EVL: variants seen among roughly 807,000 people sequenced by gnomAD.
EVL encodes ena/VASP-like protein.
Under a neutral mutation model 59.6 loss-of-function variants are expected in EVL, and 21 were observed. The ratio of observed to expected loss-of-function variants is 0.35; its 90% confidence interval spans 0.25 to 0.51. EVL has a LOEUF of 0.51. Among genes scored for constraint, EVL ranks in the 20% least tolerant of loss-of-function variants. EVL has a pLI of 0.97. For synonymous variants in EVL, 198 were observed against 203.5 expected (o/e 0.97, Z 0.23); for missense variants, 462 against 546.6 (o/e 0.85, Z 1.54).
chr14:99,975,248 T>G (rs1437642958), intron 1 of EVL: 1 of 152,296 alleles, frequency 6.6e-6, no homozygotes, highest in Non-Finnish European at 1.5e-5. Flanking sequence ...TCTTGTTCCT[T>G]TGAAAGTAGT....
At chr14:100,067,913 GA>G (rs941732631) in intron 1 of EVL, among the ~76,000 whole-genome samples, 2 of 152,288 alleles carry the variant, frequency 1.3e-5, no homozygotes, top group Admixed American at 1.3e-4. Context: ...ACCTCAAAGA[GA>G]AAGTGGGATC....
At chr14:100,125,149 CACCTGCCCCAAGGCAGGAAT>C (rs1887970451) in intron 4 of EVL, among the ~76,000 whole-genome samples, 1 of 142,360 alleles carries the variant, frequency 7.0e-6, no homozygotes, top group African/African-American at 2.8e-5. Flanking sequence ...CACACACACA[CACCTGCCCCAAGGCAGGAAT>C]ACACACACAC....
intron 1 of EVL, among the ~76,000 whole-genome samples, chr14:99,993,709 T>G (rs1287518215): frequency 2.1e-5 from 3 of 143,710 alleles, no homozygotes; most frequent in Admixed American, 6.9e-5. Flanking sequence ...TTTTTTTTTT[T>G]GACTTAGAGT....
chr14:99,974,970 C>G (rs982402678), intron 1 of EVL: 1 of 152,584 alleles, frequency 6.6e-6, no homozygotes, highest in Admixed American at 6.5e-5. Context: ...GGGACTTAAT[C>G]TTCATGTCCT....
At chr14:100,111,256 A>G (rs1213910368) in intron 3 of EVL, among the ~76,000 whole-genome samples, 1 of 146,932 alleles carries the variant, frequency 6.8e-6, no homozygotes, top group Non-Finnish European at 1.5e-5. Flanking sequence ...TCCCAGGTTC[A>G]AGCGATTCTC....
intron 3 of EVL, chr14:100,105,907 G>A (rs1055163931): frequency 6.6e-6 from 1 of 152,366 alleles, no homozygotes. Context: ...AAGTTTGACT[G>A]TCCATGAGCT....
At chr14:100,132,873 T>C (rs1290119437) in intron 8 of EVL, 94 bp downstream of exon 8, 1 of 1,377,280 alleles carries the variant, frequency 7.3e-7, no homozygotes, top group Non-Finnish European at 1.0e-6. Context: ...CTTTGGGACA[T>C]GCGTGGGATG....
intron 1 of EVL, among the ~76,000 whole-genome samples, chr14:99,995,645 C>G (rs2060908292): frequency 6.6e-6 from 1 of 152,102 alleles, no homozygotes; most frequent in African/African-American, 2.4e-5. Context: ...CCATGTTTCC[C>G]TGTTTCTTTG....
At chr14:100,078,463 A>G (rs56061407) in intron 1 of EVL, among the ~76,000 whole-genome samples, 17,406 of 151,908 alleles carry the variant, frequency 0.11, 1,529 homozygotes, top group Admixed American at 0.25. Context: ...AGAGCCGGAA[A>G]GCACACATTG....
At chr14:100,122,026 A>C (rs1406121985) in intron 3 of EVL, among the ~76,000 whole-genome samples, 1 of 152,236 alleles carries the variant, frequency 6.6e-6, no homozygotes, top group African/African-American at 2.4e-5. Context: ...CAGTTGTCCA[A>C]GCCAGAGCCC....
chr14:100,110,716 C>T (rs1286026754), intron 3 of EVL, among the ~76,000 whole-genome samples: 4 of 152,248 alleles, frequency 2.6e-5, no homozygotes, highest in Admixed American at 2.6e-4. Flanking sequence ...CTGCATCCTG[C>T]TGCTGCCATT....
chr14:100,025,540 A>G (rs2061195662), intron 1 of EVL, among the ~76,000 whole-genome samples: 2 of 152,210 alleles, frequency 1.3e-5, no homozygotes, highest in South Asian at 2.1e-4. Context: ...GCCAGATCAC[A>G]TATCACCATC....
chr14:100,002,448 AATT>A (rs1378645811), intron 1 of EVL, among the ~76,000 whole-genome samples: 1 of 152,228 alleles, frequency 6.6e-6, no homozygotes, highest in African/African-American at 2.4e-5. Flanking sequence ...TAACAATTAT[AATT>A]ATTACTGCTA....
At chr14:100,141,356 C>T in intron 12 of EVL, 110 bp downstream of exon 12, 10 of 1,218,374 alleles carry the variant, frequency 8.2e-6, no homozygotes, top group Non-Finnish European at 1.0e-5. Flanking sequence ...ATGTAGCTGC[C>T]AAAAGGCCAG....
rs541398362 is a variant in EVL, at chr14:100,034,740, T to TA, written c.6-49937dup. On this transcript the variant is annotated intron_variant, in intron 1 of 13. Coordinates refer to the EVL transcript ENST00000402714. Reference sequence around the variant, plus strand: ...GTGACAGAGTGAGACCCCAACTCTTTAAAAAAAAAATGCGTAAGATAAAAG... The same window carrying TA: ...GTGACAGAGTGAGACCCCAACTCTTTAAAAAAAAAAATGCGTAAGATAAAAG... 8.3e-3 allele frequency among the ~76,000 whole-genome samples: 1,234 copies of TA among 149,074 alleles called. 18 individuals are homozygous for TA. Among genetic ancestry groups the TA allele is most frequent in the African/African-American group, 0.027 (1,111 of 40,812 alleles).
At chr14:100,015,607 G>A (rs969969236) in intron 1 of EVL, among the ~76,000 whole-genome samples, 2 of 152,182 alleles carry the variant, frequency 1.3e-5, no homozygotes, top group African/African-American at 4.8e-5. Context: ...CGCCGGCAGG[G>A]ACTGCCAGAG....
intron 1 of EVL, among the ~76,000 whole-genome samples, chr14:100,077,912 A>G (rs1595140566): frequency 6.6e-6 from 1 of 151,806 alleles, no homozygotes; most frequent in Non-Finnish European, 1.5e-5. Context: ...AGCTGGGACT[A>G]CAAGCACCCG....
chr14:100,090,222 AAAGAG>A (rs1313646935), intron 2 of EVL, among the ~76,000 whole-genome samples: 7 of 152,222 alleles, frequency 4.6e-5, no homozygotes. Context: ...TGAGAGTGAG[AAAGAG>A]AAAACACAAA....
At chr14:100,076,458 G>A (rs543655027) in intron 1 of EVL, among the ~76,000 whole-genome samples, 3 of 152,328 alleles carry the variant, frequency 2.0e-5, no homozygotes, top group South Asian at 2.1e-4. Flanking sequence ...CCCTGGAGGC[G>A]TTCAGTGGTG....
Sources: gnomAD v4.1 joint callset for allele counts (sites outside exome capture counted in the v4.1 genomes callset) on GRCh38, gnomAD v4.1.1 for gene constraint, MANE v1.5 for transcripts, NCBI Gene and HGNC (gene_info 2026-07-23, HGNC 2026-07-21) for gene names.